The following EGFL6 variants were observed in gnomAD, a reference collection of about 807,000 sequenced individuals.
EGFL6 encodes epidermal growth factor-like protein 6.
A neutral mutation model predicts 43.1 loss-of-function variants in EGFL6; 42 were observed. That is an observed-to-expected ratio of 0.98 (90% CI 0.76 to 1.26). EGFL6 has a LOEUF of 1.26. Ranked by LOEUF, EGFL6 falls within the 50% of genes most tolerant of loss-of-function variation. The pLI, the probability that EGFL6 is intolerant of heterozygous loss-of-function variation, is 0.00. For synonymous variants in EGFL6, 164 were observed against 163.2 expected (o/e 1.01, Z -0.04); for missense variants, 429 against 427.8 (o/e 1.00, Z -0.02).
At position 13,608,385 on chromosome X, in the gene EGFL6, C is replaced by T. The variant is rs771536175; in HGVS notation, c.717C>T (p.Thr239=). ...GCCACCATGCCAATTGCTTCAATAC[C>T]CAAGGGTCCTTCAAGTGTAAATGCA... ...TCSHHANCFN[T]QGSFKCKCKQ... The change falls in exon 7 of 12, where the codon ACC becomes ACT. Residue 239 remains threonine (T), a synonymous_variant. Coordinates refer to ENST00000361306, the MANE Select transcript of EGFL6 (RefSeq NM_015507.4). 6 of 1,209,027 alleles carry T rather than the reference C, an allele frequency of 5.0e-6. No individual in the cohort carries two copies. In the East Asian group the frequency reaches 1.8e-4, roughly 36 times the overall value.
rs2045617466 is a variant in EGFL6 at position 13,598,959 on chromosome X, T to TA, written c.281-1016_281-1015insA. On this transcript the variant is annotated intron_variant, in intron 3 of 11. Transcript: ENST00000361306. ...TATATAATTCATATATATATATATA[T>TA]TTTTTTAAATCATCCAGCCCAAATG... Among the ~76,000 whole-genome samples the TA allele has an allele frequency of 5.8e-5, 6 of 103,988 alleles. No homozygotes were observed. In the Middle Eastern group the frequency reaches 0.014, roughly 251 times the overall value. The allele number at this position is 103,988 out of a possible 115,157, so 90.3% of individuals were successfully genotyped here.
chrX:13,609,557 G>C (rs1458501925), intron 7 of EGFL6, among the ~76,000 whole-genome samples: 3 of 110,889 alleles, frequency 2.7e-5, no homozygotes, highest in Non-Finnish European at 3.8e-5. Context: ...TTCAAGACCA[G>C]CCTGGCCAAC....
intron 7 of EGFL6, among the ~76,000 whole-genome samples, chrX:13,616,447 T>C (rs2045718025): frequency 9.1e-6 from 1 of 110,228 alleles, no homozygotes; most frequent in Non-Finnish European, 1.9e-5. Flanking sequence ...CCGTCTCTAC[T>C]AAAAATACAA....
rs1380988630 is a variant in EGFL6, at chrX:13,608,369, C to T, written c.701C>T (p.Ala234Val). The T allele has an allele frequency of 8.3e-7, 1 of 1,210,967 alleles. No homozygotes were observed. The highest frequency in any genetic ancestry group is 1.8e-5 in the South Asian group (1 of 56,912). ...GATAGCCATACGTGCAGCCACCATG[C>T]CAATTGCTTCAATACCCAAGGGTCC... ...TMDSHTCSHHANCFNTQGSFK... is the reference protein window; with the variant it reads ...TMDSHTCSHHVNCFNTQGSFK... Residue 234 changes from alanine (A) to valine (V), a missense_variant, in exon 7 of 12, where the codon GCC (alanine) becomes GTC (valine). Ala to Val is a moderately conservative substitution (Grantham distance 64). Transcript: ENST00000361306.
chrX:13,573,221 TG>T (rs2045452584), intron 1 of EGFL6, among the ~76,000 whole-genome samples: 1 of 111,335 alleles, frequency 9.0e-6, no homozygotes, highest in Non-Finnish European at 1.9e-5. Flanking sequence ...CTCTGCGGGG[TG>T]GGGGCGTTAT....
chrX:13,616,836 A>G (rs2045720647), intron 7 of EGFL6, among the ~76,000 whole-genome samples: 1 of 109,986 alleles, frequency 9.1e-6, no homozygotes, highest in Non-Finnish European at 1.9e-5. Flanking sequence ...ACTGAGGGAT[A>G]AGAAGAATTG....
At chrX:13,592,555 C>A (rs1011453378) in intron 2 of EGFL6, among the ~76,000 whole-genome samples, 1 of 112,095 alleles carries the variant, frequency 8.9e-6, no homozygotes, top group African/African-American at 3.2e-5. Flanking sequence ...GGATGAAAGA[C>A]AAGCACTGTA....
At chrX:13,604,658 A>C (rs780894496) in intron 5 of EGFL6, among the ~76,000 whole-genome samples, 6 of 112,299 alleles carry the variant, frequency 5.3e-5, no homozygotes, top group Non-Finnish European at 9.4e-5. Context: ...ATGTTCAACC[A>C]TCAAATTGCC....
At chrX:13,626,758 T>G (rs1180083260) in intron 10 of EGFL6, among the ~76,000 whole-genome samples, 1 of 112,364 alleles carries the variant, frequency 8.9e-6, no homozygotes, top group Non-Finnish European at 1.9e-5. Flanking sequence ...CATATCTTTG[T>G]GTATGCTTTG....
chrX:13,626,960 A>G (rs2045783725), intron 10 of EGFL6, 51 bp from the exon 11 acceptor site: 1 of 1,169,726 alleles, frequency 8.5e-7, no homozygotes, highest in Non-Finnish European at 1.1e-6. Flanking sequence ...ATTAAAGCCA[A>G]ACTCCTTACA....
At chrX:13,600,556 G>C (rs1307215141) in intron 4 of EGFL6, among the ~76,000 whole-genome samples, 1 of 107,098 alleles carries the variant, frequency 9.3e-6, no homozygotes, top group East Asian at 2.9e-4. Context: ...CAAAGTCCTG[G>C]GATTACAGGC....
Position 13,569,815 on chromosome X carries a change from G to A in EGFL6, c.-47G>A. ...TTAGCTGCTACGGGGTCCGGCCGGC[G>A]CCCTCCCGAGGGGGGCTCAGGAGGA... On this transcript the variant is annotated 5_prime_UTR_variant, in exon 1 of 12. Transcript: ENST00000361306. 3 of 1,179,741 alleles carry A rather than the reference G, an allele frequency of 2.5e-6. No homozygotes were observed. Among genetic ancestry groups the A allele is most frequent in the Non-Finnish European group, 3.5e-6 (3 of 867,484 alleles).
At position 13,608,414 on chromosome X, in the gene EGFL6, A is replaced by G. The variant is rs1353903079; in HGVS notation, c.746A>G (p.Gln249Arg). The G allele has an allele frequency of 8.3e-7, 1 of 1,211,621 alleles. No individual in the cohort carries two copies. The highest frequency in any genetic ancestry group is 2.2e-5 in the Admixed American group (1 of 46,043). ...TQGSFKCKCK[Q>R]GYKGNGLRCS... ...GGGTCCTTCAAGTGTAAATGCAAGC[A>G]GGGATATAAAGGCAATGGACTTCGG... The change falls in exon 7 of 12, where the codon CAG (glutamine) becomes CGG (arginine). Residue 249 changes from glutamine (Q) to arginine (R), a missense_variant. Transcript: ENST00000361306.
intron 11 of EGFL6, among the ~76,000 whole-genome samples, chrX:13,628,795 GAA>G (rs1336719170): frequency 9.5e-6 from 1 of 105,490 alleles, no homozygotes; most frequent in African/African-American, 3.8e-5. Flanking sequence ...CAACAAGAGT[GAA>G]ACTCTATCTC....
rs1169093806 is a variant in EGFL6, at chrX:13,619,248, A to G, written c.1183+5A>G. On this transcript the variant is annotated splice_donor_5th_base_variant and intron_variant, in intron 9 of 11. Coordinates refer to ENST00000361306, the MANE Select transcript of EGFL6 (RefSeq NM_015507.4). ...CTTCCAAACTGGAACATAAAGGTAA[A>G]TAATTCTTTCTCCCAAGTGTATGCT... 1 of 1,200,215 alleles carries G rather than the reference A, an allele frequency of 8.3e-7. No individual in the cohort carries two copies. The highest frequency in any genetic ancestry group is 3.0e-5 in the East Asian group (1 of 33,824).
chrX:13,619,044 A>C, intron 8 of EGFL6, 119 bp from the exon 9 acceptor site: 7 of 542,028 alleles, frequency 1.3e-5, no homozygotes, highest in African/African-American at 2.3e-5. Context: ...ACACTGCTCT[A>C]ATATATTCTG....
rs925259061 is a variant in EGFL6, at chrX:13,586,525, C to T, written c.75-3031C>T. Among the ~76,000 whole-genome samples, 8 of 111,042 alleles carry T rather than the reference C, an allele frequency of 7.2e-5. No individual in the cohort carries two copies. In the East Asian group the frequency reaches 1.7e-3, roughly 23 times the overall value. Reference sequence around the variant, plus strand: ...GAGGGCACTCTTGGGTTGCAGGCTGCCGACTTCTCAAGCTCTCTAGCCTTT... The same window carrying T: ...GAGGGCACTCTTGGGTTGCAGGCTGTCGACTTCTCAAGCTCTCTAGCCTTT... On this transcript the variant is annotated intron_variant, in intron 1 of 11. Coordinates refer to ENST00000361306, the MANE Select transcript of EGFL6 (RefSeq NM_015507.4).
At chrX:13,592,202 G>C (rs1204503302) in intron 2 of EGFL6, among the ~76,000 whole-genome samples, 3 of 96,121 alleles carry the variant, frequency 3.1e-5, no homozygotes, top group African/African-American at 1.1e-4. Flanking sequence ...AACAACTAGA[G>C]GTCTTCAGGG....
intron 3 of EGFL6, among the ~76,000 whole-genome samples, chrX:13,597,546 G>T (rs144222960): frequency 9.0e-6 from 1 of 111,363 alleles, no homozygotes; most frequent in African/African-American, 3.3e-5. Flanking sequence ...CACTTAGGGA[G>T]GTCGAGGTGG....
Sources: allele counts gnomAD v4.1 joint callset (sites outside exome capture counted in the v4.1 genomes callset), GRCh38; gene constraint gnomAD v4.1.1; transcripts MANE v1.5; gene names NCBI Gene and HGNC (gene_info 2026-07-23, HGNC 2026-07-21).